SNX6: variants seen among roughly 807,000 people sequenced by gnomAD.
SNX6 encodes the protein sorting nexin-6.
Under a neutral mutation model 63.0 loss-of-function variants are expected in SNX6, and 34 were observed. The ratio of observed to expected loss-of-function variants is 0.54; its 90% CI spans 0.41 to 0.72. The LOEUF (loss-of-function observed/expected upper bound fraction) is 0.72. Among genes scored for constraint, SNX6 ranks in the 30% least tolerant of loss-of-function variants. The pLI, the probability that SNX6 is intolerant of heterozygous loss-of-function variation, is 0.00. For missense variants in SNX6, 398 were observed against 471.4 expected (o/e 0.84, Z 1.44); for synonymous variants, 170 against 164.2 (o/e 1.04, Z -0.27).
chr14:34,575,293 C>G (rs966277182), intron 11 of SNX6, among the ~76,000 whole-genome samples: 1 of 150,042 alleles, frequency 6.7e-6, no homozygotes, highest in Non-Finnish European at 1.5e-5. Flanking sequence ...CTCTGCCTCC[C>G]GGGTTCAAGT....
At chr14:34,584,703 C>CA (rs1882078829) in intron 9 of SNX6, among the ~76,000 whole-genome samples, 1 of 151,504 alleles carries the variant, frequency 6.6e-6, no homozygotes, top group East Asian at 1.9e-4. Context: ...CTCTTACACA[C>CA]AAATCAGCCC....
chr14:34,594,962 C>T (rs903684961), intron 7 of SNX6, among the ~76,000 whole-genome samples: 1 of 151,984 alleles, frequency 6.6e-6, no homozygotes, highest in Non-Finnish European at 1.5e-5. Context: ...TGTGATGGCA[C>T]GTACCTATAG....
chr14:34,599,506 C>T (rs763265244), intron 6 of SNX6, among the ~76,000 whole-genome samples: 14 of 151,868 alleles, frequency 9.2e-5, no homozygotes, highest in East Asian at 5.8e-4. Flanking sequence ...ACTAGGGAGA[C>T]TGAGGCAAGA....
intron 3 of SNX6, 26 bp from the exon 4 acceptor site, chr14:34,608,166 T>A: frequency 7.2e-7 from 1 of 1,388,472 alleles, no homozygotes; most frequent in Non-Finnish European, 1.0e-6. Flanking sequence ...TTTTCTTGAA[T>A]AAAAATCAAA....
chr14:34,607,765 G>A lies in SNX6; in HGVS notation c.270+265C>T, dbSNP rs943936379. The stretch of plus-strand genomic sequence containing the variant: ...TCTACTAAAAATGCAAAAATTAGCT[G>A]GGTGTGTTGGTGCATTATTGTAATC... On this transcript the variant is annotated intron_variant, in intron 4 of 13. Transcript: ENST00000362031. Among the ~76,000 whole-genome samples the A allele has an allele frequency of 2.0e-5, 3 of 152,190 alleles. No individual in the cohort carries two copies. In the East Asian group the frequency reaches 5.8e-4, roughly 29 times the overall value.
intron 7 of SNX6, among the ~76,000 whole-genome samples, chr14:34,594,849 C>A (rs980223442): frequency 6.6e-6 from 1 of 152,160 alleles, no homozygotes; most frequent in South Asian, 2.1e-4. Context: ...GTAATCCCAG[C>A]ACTTTGGGGA....
rs1388334312 is a variant in SNX6, at chr14:34,570,461, ATCCAGG to A, written c.922-2454_922-2449del. On this transcript the variant is annotated intron_variant, in intron 11 of 13. Transcript: ENST00000362031. ...TCCTGAGACTGAGTCGTGCTCTGTCATCCAGGCTGGAGTGCAGTGGTGCGATCTCGG... is the reference window on the plus strand; with the variant it reads ...TCCTGAGACTGAGTCGTGCTCTGTCACTGGAGTGCAGTGGTGCGATCTCGG... 2.7e-5 allele frequency among the ~76,000 whole-genome samples: 4 copies of A among 148,490 alleles called. No homozygotes were observed. In the East Asian group the frequency reaches 8.0e-4, roughly 30 times the overall value.
chr14:34,625,694 C>A (rs1299689878), intron 2 of SNX6, among the ~76,000 whole-genome samples: 1 of 152,046 alleles, frequency 6.6e-6, no homozygotes, highest in East Asian at 1.9e-4. Flanking sequence ...AAGATTGCCA[C>A]TGCACCCCAG....
At chr14:34,595,691 C>T (rs1343312832) in intron 7 of SNX6, among the ~76,000 whole-genome samples, 1 of 152,178 alleles carries the variant, frequency 6.6e-6, no homozygotes, top group Non-Finnish European at 1.5e-5. Flanking sequence ...ACAGCACATG[C>T]ACTGTCAAGT....
intron 11 of SNX6, among the ~76,000 whole-genome samples, chr14:34,574,969 G>C (rs942161784): frequency 5.3e-5 from 8 of 151,390 alleles, no homozygotes; most frequent in Non-Finnish European, 8.8e-5. Flanking sequence ...TCTGCTCACT[G>C]CAACCTCCAC....
At chr14:34,606,194 A>ATAT (rs1566485497) in intron 4 of SNX6, among the ~76,000 whole-genome samples, 1 of 119,240 alleles carries the variant, frequency 8.4e-6, no homozygotes, top group Non-Finnish European at 1.8e-5. Context: ...AAGTTATCTA[A>ATAT]TCTTTTTTTT....
chr14:34,619,103 G>A (rs895909577), intron 2 of SNX6, among the ~76,000 whole-genome samples: 6 of 152,114 alleles, frequency 3.9e-5, no homozygotes, highest in Admixed American at 2.0e-4. Context: ...ATTACAGTAT[G>A]ATCAATTAAA....
At chr14:34,612,597 C>T (rs992648810) in intron 2 of SNX6, among the ~76,000 whole-genome samples, 1 of 152,012 alleles carries the variant, frequency 6.6e-6, no homozygotes, top group Non-Finnish European at 1.5e-5. Flanking sequence ...CCAGGCCCAG[C>T]TAATTTTTGT....
At chr14:34,618,116 AAT>A (rs1883493060) in intron 2 of SNX6, among the ~76,000 whole-genome samples, 2 of 152,176 alleles carry the variant, frequency 1.3e-5, no homozygotes, top group South Asian at 4.1e-4. Context: ...TGACTCTTAC[AAT>A]AGTCTCCCAA....
chr14:34,607,845 T>G (rs1451125913), intron 4 of SNX6, among the ~76,000 whole-genome samples, 185 bp downstream of exon 4: 1 of 152,020 alleles, frequency 6.6e-6, no homozygotes, highest in African/African-American at 2.4e-5. Context: ...GAGGCAGAGG[T>G]TGCAGTGAGC....
At chr14:34,584,535 G>C (rs35257621) in intron 9 of SNX6, among the ~76,000 whole-genome samples, 57,083 of 151,588 alleles carry the variant, frequency 0.38, 12,556 homozygotes, top group East Asian at 0.74. Flanking sequence ...GTCTTCCGGG[G>C]GGCGGGTGGC....
At chr14:34,571,480 C>T (rs1039923253) in intron 11 of SNX6, among the ~76,000 whole-genome samples, 1 of 151,938 alleles carries the variant, frequency 6.6e-6, no homozygotes, top group Non-Finnish European at 1.5e-5. Context: ...GAAACTTAAG[C>T]GCATGTAACT....
At chr14:34,598,029 A>T (rs1732878251) in intron 6 of SNX6, among the ~76,000 whole-genome samples, 2 of 152,216 alleles carry the variant, frequency 1.3e-5, no homozygotes, top group South Asian at 4.1e-4. Context: ...TGTGAAATTT[A>T]TTGGGGCACA....
intron 5 of SNX6, among the ~76,000 whole-genome samples, chr14:34,604,763 T>A (rs964258182): frequency 2.0e-5 from 3 of 151,766 alleles, no homozygotes; most frequent in Admixed American, 6.6e-5. Flanking sequence ...TGAAATTTTT[T>A]AAATAAAGAC....
Sources: allele counts gnomAD v4.1 joint callset (sites outside exome capture counted in the v4.1 genomes callset), GRCh38; gene constraint gnomAD v4.1.1; transcripts MANE v1.5; gene names NCBI Gene and HGNC (gene_info 2026-07-23, HGNC 2026-07-21).